Variants in ZNF667 observed in about 807,000 individuals in gnomAD.
ZNF667 encodes zinc finger protein 667.
In ZNF667, 13 loss-of-function variants were observed where a neutral mutation model predicts 31.8. The observed-to-expected ratio is 0.41, with a 90% CI of 0.27 to 0.65. ZNF667 has a LOEUF of 0.65. Ranked by LOEUF, ZNF667 falls within the 30% of genes least tolerant of loss-of-function variation. The pLI is 0.32. For missense variants in ZNF667, 642 were observed against 725.6 expected (o/e 0.88, Z 1.32); for synonymous variants, 228 against 247.1 (o/e 0.92, Z 0.73).
At position 56,444,581 on chromosome 19, in the gene ZNF667, G is replaced by T. The variant is rs553049877; in HGVS notation, c.254-1840C>A. 2.9e-5 allele frequency among the ~76,000 whole-genome samples: 4 copies of T among 140,014 alleles called. No homozygotes were observed. The South Asian group carries it at 1.0e-3, about 35-fold the overall frequency. 91.9% of individuals were successfully genotyped at this position (140,014 alleles called of 152,430 possible). On this transcript the variant is annotated intron_variant, in intron 6 of 6. Transcript: ENST00000504904. ...CACCAGACCCCACCTCCAACACTGA[G>T]GATTAATTTCAACATGAGATTTGGT...
chr19:56,448,734 C>T (rs149141851), intron 6 of ZNF667, among the ~76,000 whole-genome samples: 1 of 152,128 alleles, frequency 6.6e-6, no homozygotes, highest in East Asian at 1.9e-4. Flanking sequence ...CAGAAGGCAA[C>T]TCGCTGCCCT....
intron 6 of ZNF667, chr19:56,449,148 A>T: frequency 4.1e-6 from 1 of 243,544 alleles, no homozygotes; most frequent in Non-Finnish European, 8.5e-6. Context: ...ACAAAGACAC[A>T]TCCTAGCCCC....
intron 3 of ZNF667, among the ~76,000 whole-genome samples, chr19:56,465,668 C>T (rs945615608): frequency 7.9e-5 from 12 of 152,320 alleles, no homozygotes; most frequent in African/African-American, 2.6e-4. Context: ...GGGTTCAAAC[C>T]TAGACATTTG....
At chr19:56,473,642 T>C (rs576837623) in intron 2 of ZNF667, among the ~76,000 whole-genome samples, 3 of 152,022 alleles carry the variant, frequency 2.0e-5, no homozygotes, top group Non-Finnish European at 4.4e-5. Flanking sequence ...ATCTAGTGAG[T>C]GGAGGCCAGG....
chr19:56,453,698 C>T (rs1004401686), intron 6 of ZNF667, among the ~76,000 whole-genome samples: 7 of 152,120 alleles, frequency 4.6e-5, no homozygotes, highest in African/African-American at 9.6e-5. Flanking sequence ...CAATAAAAGC[C>T]GTATATGACA....
chr19:56,465,148 C>A (rs1003994530), intron 3 of ZNF667, among the ~76,000 whole-genome samples: 1 of 152,238 alleles, frequency 6.6e-6, no homozygotes, highest in Non-Finnish European at 1.5e-5. Context: ...CATCGTCATA[C>A]CCTGCTGCCA....
rs745700292 is a variant in ZNF667, at chr19:56,442,746, A to C, written c.254-5T>G. On this transcript the variant is annotated splice_region_variant and splice_polypyrimidine_tract_variant and intron_variant, in intron 6 of 6. Coordinates refer to ENST00000504904, the MANE Select transcript of ZNF667 (RefSeq NM_001321356.2). ...TCTCACATTTAGACCCCGAGTCTGA[A>C]AGACATAAAGGAATTAAATGTTTCT... is the stretch of plus-strand genomic sequence containing the variant. 2.6e-6 allele frequency: 4 copies of C among 1,546,316 alleles called. No homozygotes were observed. Among genetic ancestry groups the C allele is most frequent in the Non-Finnish European group, 2.6e-6 (3 of 1,154,080 alleles).
At chr19:56,465,075 G>A (rs372749704) in intron 3 of ZNF667, among the ~76,000 whole-genome samples, 3 of 152,192 alleles carry the variant, frequency 2.0e-5, no homozygotes, top group African/African-American at 7.2e-5. Flanking sequence ...AAAGGCAGTT[G>A]TCTGAAAGTT....
At position 56,452,607 on chromosome 19, in the gene ZNF667, A is replaced by G. The variant is rs1382563849; in HGVS notation, c.253+5548T>C. On this transcript the variant is annotated intron_variant, in intron 6 of 6. Coordinates refer to ENST00000504904, the MANE Select transcript of ZNF667 (RefSeq NM_001321356.2). ...AATAGTAAGGATCAGAGCAGAAAGA[A>G]ATGAAATTTAAATTAGAAAACCACA... is the stretch of plus-strand genomic sequence containing the variant. Among the ~76,000 whole-genome samples, 5 of 152,044 alleles carry G rather than the reference A, an allele frequency of 3.3e-5. No individual in the cohort carries two copies. The East Asian group carries it at 9.6e-4, about 29-fold the overall frequency.
chr19:56,472,644 T>C (rs1236403019), intron 2 of ZNF667: 2 of 152,152 alleles, frequency 1.3e-5, no homozygotes, highest in Admixed American at 1.3e-4. Context: ...GTAAATATAT[T>C]TTCCTTATGA....
chr19:56,446,609 T>A (rs575953734), intron 6 of ZNF667, among the ~76,000 whole-genome samples: 1 of 152,338 alleles, frequency 6.6e-6, no homozygotes, highest in East Asian at 1.9e-4. Flanking sequence ...AAACACATCT[T>A]GCTCCAAGGG....
Position 56,442,192 on chromosome 19 carries a change from A to C in ZNF667, c.803T>G (p.Leu268Arg). Residue 268 changes from leucine to arginine, a missense_variant, in exon 7 of 7, where the codon CTT becomes CGT. Transcript: ENST00000504904. ...ATTGTGAATTTTCTTATGAAGTAAA[A>C]GGGATGACATCTGATTGAAGGCTTT... ...CGKAFNQMSS[L>R]LLHKKIHNGK... 1 of 1,613,916 alleles carries C rather than the reference A, an allele frequency of 6.2e-7. No individual in the cohort carries two copies. The highest frequency in any genetic ancestry group is 8.5e-7 in the Non-Finnish European group (1 of 1,179,952).
intron 3 of ZNF667, among the ~76,000 whole-genome samples, chr19:56,465,333 G>T (rs932776215): frequency 4.6e-5 from 7 of 152,232 alleles, no homozygotes; most frequent in Non-Finnish European, 8.8e-5. Flanking sequence ...TGAGTTCAGA[G>T]TTAGGTAATG....
chr19:56,460,608 T>G, intron 5 of ZNF667, 81 bp downstream of exon 5: 1 of 1,464,132 alleles, frequency 6.8e-7, no homozygotes, highest in Non-Finnish European at 9.1e-7. Context: ...CTGCAGTGGC[T>G]TCCATTTTCC....
intron 1 of ZNF667, chr19:56,474,742 T>C (rs1001407770): frequency 6.6e-6 from 1 of 152,226 alleles, no homozygotes; most frequent in Non-Finnish European, 1.5e-5. Flanking sequence ...TCTTGGGAGC[T>C]TTCTAATAAA....
In ZNF667 at chr19:56,441,749, C is replaced by G; in HGVS notation, c.1246G>C (p.Glu416Gln). The part of the protein sequence containing the change: ...KVHTKKKKLF[E>Q]CKECGKMFSG... ...AACATCTTCCCACATTCCTTACACTCAAATAGTTTCTTTTTCTTTGTATGA... is the reference window on the plus strand; with the variant it reads ...AACATCTTCCCACATTCCTTACACTGAAATAGTTTCTTTTTCTTTGTATGA... The change falls in exon 7 of 7, where the codon GAG becomes CAG. Residue 416 changes from glutamate to glutamine, a missense_variant. Physicochemically the swap from Glu to Gln is conservative, Grantham distance 29. Coordinates refer to ENST00000504904, the MANE Select transcript of ZNF667 (RefSeq NM_001321356.2). This position sits in a 1 kb window ranked among gnomAD's most constrained non-coding sequence, Gnocchi z 4.2. 2.5e-6 allele frequency: 4 copies of G among 1,614,112 alleles called. No individual in the cohort carries two copies. The highest frequency in any genetic ancestry group is 3.4e-6 in the Non-Finnish European group (4 of 1,180,016).
rs1264538647 is a variant in ZNF667 at position 56,440,487 on chromosome 19, T to C, written c.*675A>G. 2.1e-5 allele frequency: 15 copies of C among 708,282 alleles called. No individual in the cohort carries two copies. The highest frequency in any genetic ancestry group is 2.3e-5 in the Non-Finnish European group (13 of 577,108). 43.9% of individuals were successfully genotyped at this position (708,282 alleles called of 1,614,324 possible). On this transcript the variant is annotated 3_prime_UTR_variant, in exon 7 of 7. Coordinates refer to ENST00000504904, the MANE Select transcript of ZNF667 (RefSeq NM_001321356.2). Reference sequence around the variant, plus strand: ...CTGTTTTGCCGAGAAGTTCCTTATATTTGATAATTCTAGATCTGAGAAACA... The same window carrying C: ...CTGTTTTGCCGAGAAGTTCCTTATACTTGATAATTCTAGATCTGAGAAACA...
At chr19:56,454,202 A>G (rs2042889138) in intron 6 of ZNF667, among the ~76,000 whole-genome samples, 1 of 152,236 alleles carries the variant, frequency 6.6e-6, no homozygotes, top group African/African-American at 2.4e-5. Flanking sequence ...ATGGAAAGAT[A>G]GTCCATGCTC....
At position 56,462,521 on chromosome 19, in the gene ZNF667, A is replaced by G. The variant is rs550585739; in HGVS notation, c.-59-92T>C. 42 of 800,006 alleles carry G rather than the reference A, an allele frequency of 5.2e-5. No individual in the cohort carries two copies. In the African/African-American group the frequency reaches 6.9e-4, roughly 13 times the overall value. 49.6% of individuals were successfully genotyped at this position (800,006 alleles called of 1,614,324 possible). ...CACACACACACAGACACACATGCAC[A>G]CATATGCACGTGCACACACACACAC... On this transcript the variant is annotated intron_variant, in intron 3 of 6. Coordinates refer to ENST00000504904, the MANE Select transcript of ZNF667 (RefSeq NM_001321356.2).
Sources: gnomAD v4.1 joint callset for allele counts (sites outside exome capture counted in the v4.1 genomes callset) on GRCh38, gnomAD v4.1.1 for gene constraint, Gnocchi (gnomAD v3.1) non-coding constraint, MANE v1.5 for transcripts, NCBI Gene and HGNC (gene_info 2026-07-23, HGNC 2026-07-21) for gene names.